KIRREL3: variants seen among roughly 807,000 people sequenced by gnomAD.
The protein encoded by KIRREL3 is kin of IRRE-like protein 3.
Under a neutral mutation model 89.7 loss-of-function variants are expected in KIRREL3, and 36 were observed. That is an observed-to-expected ratio of 0.40 (90% CI 0.31 to 0.53). KIRREL3 has a LOEUF of 0.53. KIRREL3 is among the 20% of genes least tolerant of loss of function. The probability of loss-of-function intolerance (pLI) is 0.49; values close to 1 mark genes in which losing one functional copy is unlikely to be tolerated. For synonymous variants in KIRREL3, 445 were observed against 441.4 expected (o/e 1.01, Z -0.10); for missense variants, 864 against 1,056.6 (o/e 0.82, Z 2.53).
chr11:126,757,647 C>T (rs894475799), intron 1 of KIRREL3, among the ~76,000 whole-genome samples: 1 of 152,044 alleles, frequency 6.6e-6, no homozygotes, highest in African/African-American at 2.4e-5. Flanking sequence ...TTCATTATAT[C>T]AACCTTCATT....
chr11:126,805,274 G>C lies in KIRREL3; in HGVS notation c.55+195181C>G, dbSNP rs1280576883. Among the ~76,000 whole-genome samples the C allele has an allele frequency of 6.6e-6, 1 of 152,140 alleles. No homozygotes were observed. The highest frequency in any genetic ancestry group is 1.5e-5 in the Non-Finnish European group (1 of 68,030). ...TAGAGGACTTGTTTATGAAATTAGG[G>C]CTCATACTGAAGGTCAGGAGAAGGG... On this transcript the variant is annotated intron_variant, in intron 1 of 16. Transcript: ENST00000525144. This position sits in a 1 kb window ranked among gnomAD's most constrained non-coding sequence, Gnocchi z 4.3.
rs1231871543 is a variant in KIRREL3, at chr11:126,812,118, C to T, written c.55+188337G>A. On this transcript the variant is annotated intron_variant, in intron 1 of 16. Coordinates refer to ENST00000525144, the MANE Select transcript of KIRREL3 (RefSeq NM_032531.4). This position sits in a 1 kb window ranked among gnomAD's most constrained non-coding sequence, Gnocchi z 5.2. ...TCCTGATGACCAGATATAATAGATT[C>T]TGTTCATTAAGGAAACTGCTTGCCA... Among the ~76,000 whole-genome samples the T allele has an allele frequency of 6.6e-6, 1 of 152,182 alleles. No individual in the cohort carries two copies. Among genetic ancestry groups the T allele is most frequent in the Admixed American group, 6.5e-5 (1 of 15,284 alleles).
At chr11:126,826,159 C>T (rs909793095) in intron 1 of KIRREL3, among the ~76,000 whole-genome samples, 2 of 152,106 alleles carry the variant, frequency 1.3e-5, no homozygotes, top group African/African-American at 2.4e-5. Flanking sequence ...TTTGTGAAAC[C>T]TCTGTCTGTG....
intron 1 of KIRREL3, among the ~76,000 whole-genome samples, chr11:126,706,954 T>C (rs1239123127): frequency 1.3e-5 from 2 of 151,988 alleles, no homozygotes; most frequent in Non-Finnish European, 2.9e-5. Context: ...TTTTTTTTTT[T>C]TTAAGAGATG....
intron 4 of KIRREL3, among the ~76,000 whole-genome samples, chr11:126,482,523 G>A (rs1259743535): frequency 6.6e-6 from 1 of 152,246 alleles, no homozygotes; most frequent in Non-Finnish European, 1.5e-5. Flanking sequence ...CCAGGGTCAA[G>A]GAAGATGTAA....
rs1253184651 is a variant in KIRREL3 at position 126,755,903 on chromosome 11, C to G, written c.56-192991G>C. Among the ~76,000 whole-genome samples, 1 of 141,962 alleles carries G rather than the reference C, an allele frequency of 7.0e-6. No individual in the cohort carries two copies. Among genetic ancestry groups the G allele is most frequent in the Non-Finnish European group, 1.5e-5 (1 of 65,098 alleles). The allele number at this position is 141,962 out of a possible 152,430, so 93.1% of individuals were successfully genotyped here. ...CAGAGAGAGAGAGAGAGAGAGAAGACTGAGCTGAGCACCCAGCACCTAATT... is the reference window on the plus strand; with the variant it reads ...CAGAGAGAGAGAGAGAGAGAGAAGAGTGAGCTGAGCACCCAGCACCTAATT... On this transcript the variant is annotated intron_variant, in intron 1 of 16. Transcript: ENST00000525144. The surrounding 1 kb of genome is among the most constrained non-coding windows in gnomAD (Gnocchi z 4.3).
rs76731530 is a variant in KIRREL3, at chr11:126,955,299, G to A, written c.55+45156C>T. Among the ~76,000 whole-genome samples the A allele has an allele frequency of 5.0e-3, 762 of 152,310 alleles. 6 individuals are homozygous for A. Among genetic ancestry groups the A allele is most frequent in the African/African-American group, 0.018 (729 of 41,568 alleles). On this transcript the variant is annotated intron_variant, in intron 1 of 16. Transcript: ENST00000525144. The surrounding 1 kb of genome is among the most constrained non-coding windows in gnomAD (Gnocchi z 4.6). ...CTTTGAAAGCAATTGACAGAAAGCT[G>A]GCTTAATCCTTGTTCTGGAGATACT...
intron 6 of KIRREL3, 91 bp from the exon 7 acceptor site, chr11:126,456,545 C>T (rs757822244): frequency 3.1e-5 from 26 of 850,540 alleles, no homozygotes; most frequent in Middle Eastern, 2.4e-4. Context: ...AGAGACTCCA[C>T]CACCCAGGGA....
chr11:126,873,949 T>A (rs895233499), intron 1 of KIRREL3, among the ~76,000 whole-genome samples: 1 of 152,196 alleles, frequency 6.6e-6, no homozygotes, highest in African/African-American at 2.4e-5. Context: ...GCTAAAAACT[T>A]TTTTTTCCAA....
chr11:126,662,906 CTTTT>C (rs756193928), intron 1 of KIRREL3, among the ~76,000 whole-genome samples: 4 of 91,892 alleles, frequency 4.4e-5, no homozygotes, highest in East Asian at 3.2e-4. Context: ...AAAGTCCTTT[CTTTT>C]TTTTTTTTTT....
At chr11:126,468,968 A>G (rs1273261835) in intron 5 of KIRREL3, among the ~76,000 whole-genome samples, 1 of 152,218 alleles carries the variant, frequency 6.6e-6, no homozygotes, top group East Asian at 1.9e-4. Flanking sequence ...CGCGAGGTCC[A>G]TAGTGGGGTG....
Position 126,486,070 on chromosome 11 carries a change from A to C in KIRREL3, c.434-12604T>G, listed in dbSNP as rs1180133423. Among the ~76,000 whole-genome samples, 2 of 152,218 alleles carry C rather than the reference A, an allele frequency of 1.3e-5. No individual in the cohort carries two copies. Among genetic ancestry groups the C allele is most frequent in the East Asian group, 3.9e-4 (2 of 5,194 alleles). ...GCATCTCAGGGCAGAGCTACTTGTG[A>C]GGAGACAGACGTTTCATTAATAATG... On this transcript the variant is annotated intron_variant, in intron 4 of 16. Coordinates refer to ENST00000525144, the MANE Select transcript of KIRREL3 (RefSeq NM_032531.4). The surrounding 1 kb of genome is among the most constrained non-coding windows in gnomAD (Gnocchi z 6.2).
intron 1 of KIRREL3, among the ~76,000 whole-genome samples, chr11:126,947,064 T>C (rs1051009040): frequency 6.6e-6 from 1 of 152,126 alleles, no homozygotes; most frequent in African/African-American, 2.4e-5. Flanking sequence ...GTTTTCATGA[T>C]CCTCAAAATG....
rs1026422563 is a variant in KIRREL3, at chr11:126,606,244, C to A, written c.56-43332G>T. Among the ~76,000 whole-genome samples, 5 of 152,144 alleles carry A rather than the reference C, an allele frequency of 3.3e-5. No homozygotes were observed. The highest frequency in any genetic ancestry group is 1.2e-4 in the African/African-American group (5 of 41,434). On this transcript the variant is annotated intron_variant, in intron 1 of 16. Transcript: ENST00000525144. The surrounding 1 kb of genome is among the most constrained non-coding windows in gnomAD (Gnocchi z 4.6). ...TGTTAAAATATTATTTTTATGAAGG[C>A]ACAGTTTAGTATGGTGTTTATGAGA...
At chr11:126,728,547 T>A (rs1948484545) in intron 1 of KIRREL3, among the ~76,000 whole-genome samples, 1 of 151,688 alleles carries the variant, frequency 6.6e-6, no homozygotes. Context: ...ATCACCTGAG[T>A]GAGATGATGT....
At chr11:126,722,290 C>T (rs1462681664) in intron 1 of KIRREL3, among the ~76,000 whole-genome samples, 2 of 152,366 alleles carry the variant, frequency 1.3e-5, no homozygotes, top group Admixed American at 6.5e-5. Flanking sequence ...TTCTCCTGGC[C>T]ATCTGCATGG....
chr11:126,540,053 T>A (rs192888153), intron 2 of KIRREL3, among the ~76,000 whole-genome samples: 3 of 152,230 alleles, frequency 2.0e-5, no homozygotes, highest in Admixed American at 2.0e-4. Context: ...AACCTAATCT[T>A]CTCCCTTTAG....
intron 1 of KIRREL3, among the ~76,000 whole-genome samples, chr11:126,731,213 T>A (rs1017140267): frequency 1.3e-5 from 2 of 152,170 alleles, no homozygotes; most frequent in African/African-American, 4.8e-5. Flanking sequence ...CCTGCCCAAC[T>A]CTCCAGACCC....
At chr11:126,547,384 G>A (rs1401232887) in intron 2 of KIRREL3, among the ~76,000 whole-genome samples, 4 of 152,198 alleles carry the variant, frequency 2.6e-5, no homozygotes, top group Non-Finnish European at 5.9e-5. Flanking sequence ...TCTCCCCACC[G>A]TGTCTAATCA....
Sources: allele counts gnomAD v4.1 joint callset (sites outside exome capture counted in the v4.1 genomes callset), GRCh38; gene constraint gnomAD v4.1.1; non-coding constraint Gnocchi (gnomAD v3.1); transcripts MANE v1.5; gene names NCBI Gene and HGNC (gene_info 2026-07-23, HGNC 2026-07-21).